Variants in HHLA2 observed in about 807,000 individuals in gnomAD.
HHLA2 encodes HHLA2 member of B7 family, also known as HERV-H LTR-associating protein 2.
A neutral mutation model predicts 45.9 loss-of-function variants in HHLA2; 48 were observed. The observed-to-expected ratio is 1.05, with a 90% CI of 0.83 to 1.33. The LOEUF is 1.33. HHLA2 is among the 40% of genes most tolerant of loss of function. The probability of loss-of-function intolerance (pLI) is 0.00; values close to 1 mark genes in which losing one functional copy is unlikely to be tolerated. For synonymous variants in HHLA2, 161 were observed against 173.9 expected, an observed-to-expected ratio of 0.93 and a Z score of 0.59; for missense variants, 462 against 494.3, an observed-to-expected ratio of 0.93 and a Z score of 0.62.
At chr3:108,342,745 T>C (rs1396346350) in intron 3 of HHLA2, among the ~76,000 whole-genome samples, 1 of 152,204 alleles carries the variant, frequency 6.6e-6, no homozygotes, top group Non-Finnish European at 1.5e-5. Context: ...GCATAGGATT[T>C]ATGTTCTCTC....
chr3:108,313,938 C>G (rs1228855109), intron 2 of HHLA2, among the ~76,000 whole-genome samples: 1 of 152,136 alleles, frequency 6.6e-6, no homozygotes, highest in Non-Finnish European at 1.5e-5. Context: ...CTTTTTGTCT[C>G]CAGACCCCAA....
chr3:108,351,973 C>T (rs571175239), intron 4 of HHLA2, 96 bp downstream of exon 3: 1 of 753,290 alleles, frequency 1.3e-6, no homozygotes, highest in Non-Finnish European at 2.3e-6. Flanking sequence ...ATAGCCACAG[C>T]ATCGTGAACT....
At chr3:108,300,193 C>T (rs1222901449) in intron 1 of HHLA2, among the ~76,000 whole-genome samples, 1 of 152,036 alleles carries the variant, frequency 6.6e-6, no homozygotes, top group Non-Finnish European at 1.5e-5. Context: ...AGCACAGAAC[C>T]TGGGAGAGAC....
chr3:108,369,584 G>A (rs918456291), intron 8 of HHLA2, among the ~76,000 whole-genome samples: 33 of 152,150 alleles, frequency 2.2e-4, no homozygotes, highest in Admixed American at 1.3e-3. Context: ...GGTGACAGAC[G>A]GCATCTGGAA....
intron 2 of HHLA2, among the ~76,000 whole-genome samples, chr3:108,316,103 A>G (rs1036497876): frequency 3.3e-5 from 5 of 152,192 alleles, no homozygotes; most frequent in African/African-American, 7.2e-5. Context: ...AAAAAATGAA[A>G]AAAAAAGATG....
chr3:108,373,678 C>G (rs1223370640), intron 8 of HHLA2, among the ~76,000 whole-genome samples: 1 of 151,564 alleles, frequency 6.6e-6, no homozygotes, highest in Non-Finnish European at 1.5e-5. Context: ...TTCTTATACA[C>G]CAATAACAGA....
At chr3:108,333,825 C>T (rs1560220157) in intron 3 of HHLA2, among the ~76,000 whole-genome samples, 1 of 152,078 alleles carries the variant, frequency 6.6e-6, no homozygotes, top group Admixed American at 6.6e-5. Flanking sequence ...TGAATGCTGT[C>T]CTACGCTAGA....
At chr3:108,314,156 C>T (rs1172627677) in intron 2 of HHLA2, among the ~76,000 whole-genome samples, 3 of 152,004 alleles carry the variant, frequency 2.0e-5, no homozygotes, top group Non-Finnish European at 2.9e-5. Context: ...CACACAAACA[C>T]TAGCAAGCTG....
Position 108,351,885 on chromosome 3 carries a change from C to T in HHLA2, c.64+8C>T, listed in dbSNP as rs767950883. 3.0e-5 allele frequency: 48 copies of T among 1,580,658 alleles called. 1 individual carries two copies. In the Admixed American group the frequency reaches 4.4e-4, roughly 14 times the overall value. On this transcript the variant is annotated splice_region_variant and intron_variant, in intron 4 of 10. Transcript: ENST00000619531. The stretch of plus-strand genomic sequence containing the variant: ...CTCTGAGTGGATCTCAAGGTAATTT[C>T]GTTTGTAATACAAGTGTTAGTTATT...
chr3:108,342,987 G>A (rs1223134304), intron 3 of HHLA2, among the ~76,000 whole-genome samples: 1 of 151,920 alleles, frequency 6.6e-6, no homozygotes, highest in Non-Finnish European at 1.5e-5. Context: ...CTATCTTTTG[G>A]TACCAGATGG....
intron 8 of HHLA2, among the ~76,000 whole-genome samples, chr3:108,363,307 G>A (rs1461760337): frequency 2.0e-5 from 3 of 152,116 alleles, no homozygotes; most frequent in African/African-American, 7.2e-5. Context: ...AGATTTAGGT[G>A]GATCATTTAA....
intron 8 of HHLA2, among the ~76,000 whole-genome samples, chr3:108,369,608 C>T (rs2082130664): frequency 6.6e-6 from 1 of 152,172 alleles, no homozygotes; most frequent in Admixed American, 6.5e-5. Flanking sequence ...TGGGTCACTC[C>T]CACCCTAATA....
intron 3 of HHLA2, among the ~76,000 whole-genome samples, chr3:108,329,334 G>A (rs1044455393): frequency 7.2e-5 from 11 of 152,140 alleles, no homozygotes; most frequent in African/African-American, 2.2e-4. Context: ...TGACTGAGTC[G>A]TGAAACTGAT....
intron 3 of HHLA2, among the ~76,000 whole-genome samples, chr3:108,343,675 G>A (rs948909997): frequency 9.9e-5 from 15 of 152,174 alleles, no homozygotes; most frequent in African/African-American, 2.2e-4. Flanking sequence ...ACAAGTAGGC[G>A]TTCTTTACTT....
chr3:108,306,749 T>C (rs1212936739), intron 1 of HHLA2, among the ~76,000 whole-genome samples: 1 of 152,214 alleles, frequency 6.6e-6, no homozygotes, highest in Admixed American at 6.5e-5. Context: ...AGTTTGTCTA[T>C]TGTCAATTTG....
Position 108,331,581 on chromosome 3 carries a change from C to G in HHLA2, c.-27+3234C>G, listed in dbSNP as rs2081386264. Among the ~76,000 whole-genome samples the G allele has an allele frequency of 2.0e-5, 3 of 152,048 alleles. No homozygotes were observed. The South Asian group carries it at 6.2e-4, about 32-fold the overall frequency. Reference sequence around the variant, plus strand: ...AAACATTGATGTATTAGATAAAATACAGTGAAATTTTTCCAATAGGCCTCA... The same window carrying G: ...AAACATTGATGTATTAGATAAAATAGAGTGAAATTTTTCCAATAGGCCTCA... On this transcript the variant is annotated intron_variant, in intron 3 of 10. Transcript: ENST00000619531.
In HHLA2 at chr3:108,323,513, C is replaced by T. The variant is rs754999112; in HGVS notation, c.-104-4757C>T. Among the ~76,000 whole-genome samples the T allele has an allele frequency of 4.7e-4, 71 of 152,272 alleles. No homozygotes were observed. The Middle Eastern group carries it at 0.01, about 22-fold the overall frequency. On this transcript the variant is annotated intron_variant, in intron 2 of 10. Transcript: ENST00000619531. ...TATAAACATGTATTTAAGCTGCTGTCTTTACCCAGAAATCCTGAGTGGGCT... is the reference window on the plus strand; with the variant it reads ...TATAAACATGTATTTAAGCTGCTGTTTTTACCCAGAAATCCTGAGTGGGCT...
At chr3:108,372,971 T>A (rs1465809383) in intron 8 of HHLA2, among the ~76,000 whole-genome samples, 1 of 146,156 alleles carries the variant, frequency 6.8e-6, no homozygotes, top group Non-Finnish European at 1.6e-5. Context: ...CCTCCCTAAC[T>A]CATTTTATGA....
chr3:108,375,576 C>CA (rs2082260681), intron 8 of HHLA2, among the ~76,000 whole-genome samples, 174 bp from the exon 8 acceptor site: 1 of 151,722 alleles, frequency 6.6e-6, no homozygotes, highest in Non-Finnish European at 1.5e-5. Flanking sequence ...TAGCAGAAGA[C>CA]AAAAAATAAC....
Sources: allele counts gnomAD v4.1 joint callset (sites outside exome capture counted in the v4.1 genomes callset), GRCh38; gene constraint gnomAD v4.1.1; transcripts MANE v1.5; gene names NCBI Gene and HGNC (gene_info 2026-07-23, HGNC 2026-07-21).